Variants in ADGRE1 observed in about 807,000 individuals in gnomAD.
The protein encoded by ADGRE1 is adhesion G protein-coupled receptor E1, also known as EGF-like module receptor 1.
In ADGRE1, 82 loss-of-function variants were observed where a neutral mutation model predicts 102.7. The observed-to-expected ratio is 0.80, with a 90% CI of 0.67 to 0.96. The LOEUF is 0.96. ADGRE1 is among the 40% of genes least tolerant of loss of function. The pLI is 0.00. For synonymous variants in ADGRE1, 398 were observed against 399.6 expected (o/e 1.00, Z 0.05); for missense variants, 1,032 against 1,085.3 (o/e 0.95, Z 0.69).
intron 15 of ADGRE1, 121 bp downstream of exon 15, chr19:6,924,993 C>T (rs1974837982): frequency 1.0e-6 from 1 of 1,002,354 alleles, no homozygotes; most frequent in African/African-American, 1.6e-5. Flanking sequence ...TATGCTGTGC[C>T]CTCTGCCTGT....
At position 6,937,653 on chromosome 19, in the gene ADGRE1, G is replaced by A. The variant is rs777023753; in HGVS notation, c.2655+5G>A. On this transcript the variant is annotated splice_donor_5th_base_variant and intron_variant, in intron 20 of 20. Coordinates refer to ENST00000312053, the MANE Select transcript of ADGRE1 (RefSeq NM_001974.5). ...ATGCCATCCGCTTCCAAGACGGTGA[G>A]AGACTGCATGCTCCCTGCAGGTGCT... The A allele has an allele frequency of 3.7e-6, 6 of 1,613,612 alleles. No individual in the cohort carries two copies. In the African/African-American group the frequency reaches 8.0e-5, roughly 22 times the overall value.
intron 12 of ADGRE1, among the ~76,000 whole-genome samples, chr19:6,918,138 C>A (rs1208886002): frequency 2.6e-5 from 4 of 152,012 alleles, no homozygotes; most frequent in African/African-American, 9.6e-5. Flanking sequence ...GTAGGAGATG[C>A]AGATAAAAGA....
At chr19:6,887,967 A>G (rs1208798010) in intron 1 of ADGRE1, among the ~76,000 whole-genome samples, 1 of 152,238 alleles carries the variant, frequency 6.6e-6, no homozygotes, top group African/African-American at 2.4e-5. Flanking sequence ...AGGAGCAGAC[A>G]GGAAAGAAGG....
At chr19:6,929,786 G>T (rs551225308) in intron 17 of ADGRE1, among the ~76,000 whole-genome samples, 19 of 152,276 alleles carry the variant, frequency 1.2e-4, no homozygotes, top group Middle Eastern at 3.4e-3. Context: ...CTCCCCAAGT[G>T]CTGGGATTAC....
intron 9 of ADGRE1, among the ~76,000 whole-genome samples, chr19:6,907,493 C>T (rs1215486327): frequency 2.6e-5 from 4 of 152,072 alleles, no homozygotes; most frequent in Non-Finnish European, 5.9e-5. Flanking sequence ...GCACCCACCA[C>T]CATGCCTGGC....
Position 6,926,549 on chromosome 19 carries a change from G to A in ADGRE1, c.2170G>A (p.Val724Met). ...CTTTGGTTATGGGCTGCCGATGCTGGTGGTGGTGATCTCTGCCAGTGTGCA... is the reference window on the plus strand; with the variant it reads ...CTTTGGTTATGGGCTGCCGATGCTGATGGTGGTGATCTCTGCCAGTGTGCA... ...CAFGYGLPML[V>M]VVISASVQPQ... Residue 724 changes from valine (V) to methionine (M), a missense_variant, in exon 16 of 21, where the codon GTG becomes ATG. Transcript: ENST00000312053. 6.2e-7 allele frequency: 1 copy of A among 1,614,238 alleles called. No individual in the cohort carries two copies. The highest frequency in any genetic ancestry group is 1.1e-5 in the South Asian group (1 of 91,088).
intron 5 of ADGRE1, among the ~76,000 whole-genome samples, chr19:6,900,150 A>T: frequency 6.6e-6 from 1 of 151,964 alleles, no homozygotes; most frequent in Non-Finnish European, 1.5e-5. Context: ...ACATTAAAGC[A>T]GTCATCACAC....
At chr19:6,898,322 C>T in intron 5 of ADGRE1, 2 of 1,597,148 alleles carry the variant, frequency 1.3e-6, no homozygotes, top group East Asian at 2.2e-5. Context: ...GATGAATGTT[C>T]TCAAAGCCCC....
At chr19:6,896,580 G>A (rs1973559358) in intron 3 of ADGRE1, 39 bp downstream of exon 3, 1 of 1,599,614 alleles carries the variant, frequency 6.3e-7, no homozygotes, top group African/African-American at 1.3e-5. Context: ...GCATTTGGTA[G>A]GAAAATCAAG....
chr19:6,932,372 G>A (rs1020170648), intron 17 of ADGRE1, among the ~76,000 whole-genome samples: 8 of 152,160 alleles, frequency 5.3e-5, no homozygotes. Flanking sequence ...GGAGGCTGAG[G>A]CAGGAGAATG....
Position 6,921,866 on chromosome 19 carries a change from G to T in ADGRE1, c.1774G>T (p.Ala592Ser). 6.2e-7 allele frequency: 1 copy of T among 1,613,716 alleles called. No homozygotes were observed. The highest frequency in any genetic ancestry group is 8.5e-7 in the Non-Finnish European group (1 of 1,179,882). Residue 592 changes from alanine to serine, a missense_variant, in exon 14 of 21, where the codon GCG becomes TCG. By Grantham distance (99) the Ala-to-Ser change is moderately conservative. Transcript: ENST00000312053. ...NQMANLAVIM[A>S]SGELTMDFSL... ...GATGGCAAATCTTGCCGTTATCATG[G>T]CGTCTGGGGAGCTCACGGTCAGTAC...
intron 12 of ADGRE1, among the ~76,000 whole-genome samples, chr19:6,918,002 A>ATT (rs1974464714): frequency 6.6e-6 from 1 of 152,122 alleles, no homozygotes; most frequent in Non-Finnish European, 1.5e-5. Context: ...GTCTAAGGCT[A>ATT]ATTAGAAGGG....
At position 6,917,195 on chromosome 19, in the gene ADGRE1, A is replaced by G. The variant is rs553367206; in HGVS notation, c.1420+827A>G. On this transcript the variant is annotated intron_variant, in intron 12 of 20. Coordinates refer to ENST00000312053, the MANE Select transcript of ADGRE1 (RefSeq NM_001974.5). ...TGACAACCAGATTGGCCCATAGGCCACAGTTTTCCAGCCCCTGATCTGATC... is the reference window on the plus strand; with the variant it reads ...TGACAACCAGATTGGCCCATAGGCCGCAGTTTTCCAGCCCCTGATCTGATC... Among the ~76,000 whole-genome samples the G allele has an allele frequency of 7.9e-5, 12 of 152,356 alleles. No individual in the cohort carries two copies. In the South Asian group the frequency reaches 2.5e-3, roughly 32 times the overall value.
chr19:6,937,582 G>A lies in ADGRE1; in HGVS notation c.2589G>A (p.Thr863=), dbSNP rs765532952. The part of the protein sequence containing the change: ...EEYKRWITGK[T]KPSSQSQTSR... ...ACAAGAGGTGGATCACTGGGAAGAC[G>A]AAGCCCAGCTCCCAGTCCCAGACCT... The change falls in exon 20 of 21, where the codon ACG becomes ACA. Residue 863 remains threonine, a synonymous_variant. Coordinates refer to ENST00000312053, the MANE Select transcript of ADGRE1 (RefSeq NM_001974.5). 8 of 1,613,918 alleles carry A rather than the reference G, an allele frequency of 5.0e-6. No homozygotes were observed. The highest frequency in any genetic ancestry group is 4.4e-5 in the South Asian group (4 of 91,084).
At chr19:6,926,952 G>A (rs903621341) in intron 16 of ADGRE1, among the ~76,000 whole-genome samples, 2 of 152,024 alleles carry the variant, frequency 1.3e-5, no homozygotes, top group African/African-American at 4.8e-5. Flanking sequence ...CCAGCTACTC[G>A]GGAGGCCGAA....
In ADGRE1 at chr19:6,908,747, A is replaced by C. The variant is rs868854208; in HGVS notation, c.1097A>C (p.Asn366Thr). ...IFSVLDKVCE[N>T]KTTVVSLKNT... is the part of the protein sequence containing the mutation. ...AGCGTTCTGGACAAAGTGTGTGAAA[A>C]TAAAACGACCGTAGTTTCTCTGAAG... is the stretch of plus-strand genomic sequence containing the variant. The change falls in exon 10 of 21, where the codon AAT becomes ACT. Residue 366 changes from asparagine (N) to threonine (T), a missense_variant. Transcript: ENST00000312053. The C allele has an allele frequency of 2.5e-6, 4 of 1,611,086 alleles. 1 individual carries two copies. In the African/African-American group the frequency reaches 4.0e-5, roughly 16 times the overall value.
chr19:6,902,395 T>G (rs899746939), intron 6 of ADGRE1, among the ~76,000 whole-genome samples: 1 of 151,984 alleles, frequency 6.6e-6, no homozygotes, highest in Non-Finnish European at 1.5e-5. Context: ...GTGTGCCTCT[T>G]TTTGTTTGTT....
chr19:6,937,607 T>C lies in ADGRE1; in HGVS notation c.2614T>C (p.Ser872Pro). 2 of 1,614,102 alleles carry C rather than the reference T, an allele frequency of 1.2e-6. No homozygotes were observed. Among genetic ancestry groups the C allele is most frequent in the Non-Finnish European group, 8.5e-7 (1 of 1,180,012 alleles). Residue 872 changes from serine (S) to proline (P), a missense_variant, in exon 20 of 21, where the codon TCA becomes CCA. By Grantham distance (74) the Ser-to-Pro change is moderately conservative. Coordinates refer to ENST00000312053, the MANE Select transcript of ADGRE1 (RefSeq NM_001974.5). ...KTKPSSQSQT[S>P]RILLSSMPSA... ...GAAGCCCAGCTCCCAGTCCCAGACC[T>C]CAAGGATCTTGCTGTCCTCCATGCC...
intron 15 of ADGRE1, among the ~76,000 whole-genome samples, chr19:6,925,692 T>TC (rs372155136): frequency 1.3e-5 from 2 of 152,094 alleles, no homozygotes; most frequent in African/African-American, 4.8e-5. Flanking sequence ...TTTTCTTTTT[T>TC]TAAATTTTTA....
Sources: allele counts gnomAD v4.1 joint callset (sites outside exome capture counted in the v4.1 genomes callset), GRCh38; gene constraint gnomAD v4.1.1; transcripts MANE v1.5; gene names NCBI Gene and HGNC (gene_info 2026-07-23, HGNC 2026-07-21).